Variants in PCDH15 observed in about 807,000 individuals in gnomAD.
The protein encoded by PCDH15 is protocadherin-15.
Under a neutral mutation model 178.5 loss-of-function variants are expected in PCDH15, and 129 were observed. The observed-to-expected ratio is 0.72, with a 90% CI of 0.63 to 0.84. PCDH15 has a LOEUF of 0.84. PCDH15 is among the 40% of genes least tolerant of loss of function. The probability of loss-of-function intolerance (pLI) is 0.00; values close to 1 mark genes in which losing one functional copy is unlikely to be tolerated. For missense variants in PCDH15, 2,230 were observed against 2,099.9 expected, an observed-to-expected ratio of 1.06 and a Z score of -1.21; for synonymous variants, 800 against 732.0, an observed-to-expected ratio of 1.09 and a Z score of -1.50.
chr10:54,114,810 A>G (rs528965216), intron 15 of PCDH15, among the ~76,000 whole-genome samples: 23 of 152,170 alleles, frequency 1.5e-4, no homozygotes, highest in Non-Finnish European at 2.9e-4. Flanking sequence ...TTCCAGAGGT[A>G]GGAATCACTC....
intron 3 of PCDH15, among the ~76,000 whole-genome samples, chr10:54,405,197 G>T (rs1952488040): frequency 6.6e-6 from 1 of 152,022 alleles, no homozygotes; most frequent in African/African-American, 2.4e-5. Context: ...AAAGATACAT[G>T]CATGTAAATG....
At chr10:54,832,257 C>T (rs1358678194) in intron 3 of PCDH15, among the ~76,000 whole-genome samples, 1 of 152,092 alleles carries the variant, frequency 6.6e-6, no homozygotes. Flanking sequence ...CGATACTGCC[C>T]ATCCGAATCA....
chr10:54,669,177 C>A (rs2094617820), intron 1 of PCDH15, among the ~76,000 whole-genome samples: 2 of 152,154 alleles, frequency 1.3e-5, no homozygotes, highest in South Asian at 4.1e-4. Context: ...TTAATAATGT[C>A]TTCATCAGTA....
In PCDH15 at chr10:54,317,357, T is replaced by A. The variant is rs895994892; in HGVS notation, c.790A>T (p.Met264Leu). Residue 264 changes from methionine (M) to leucine (L), a missense_variant, in exon 8 of 38, where the codon ATG becomes TTG. Physicochemically the swap from Met to Leu is conservative, Grantham distance 15. Coordinates refer to ENST00000644397, the MANE Select transcript of PCDH15 (RefSeq NM_001384140.1). ...GGCACAAGGACACAAGGAAGAAACA[T>A]TGGACCCAAGTCATCTCCATCCAGA... is the stretch of plus-strand genomic sequence containing the variant. ...DVLDGDDLGP[M>L]FLPCVLVPNT... 1 of 1,613,948 alleles carries A rather than the reference T, an allele frequency of 6.2e-7. No homozygotes were observed. The highest frequency in any genetic ancestry group is 1.3e-5 in the African/African-American group (1 of 75,000).
chr10:54,378,631 T>C (rs918982407), intron 4 of PCDH15, 151 bp downstream of exon 4: 1 of 842,902 alleles, frequency 1.2e-6, no homozygotes, highest in Non-Finnish European at 1.8e-6. Context: ...CCTTTCTCAT[T>C]CTTCTTTAAA....
intron 13 of PCDH15, among the ~76,000 whole-genome samples, chr10:54,153,548 A>C (rs1259608474): frequency 6.6e-6 from 1 of 152,154 alleles, no homozygotes; most frequent in Non-Finnish European, 1.5e-5. Context: ...TGGATCTTGA[A>C]GGCTTATCTT....
At chr10:55,173,309 A>ATGTGTGTGTGTGTGTGTGTGTGTGTG (rs775260037) in intron 1 of PCDH15, among the ~76,000 whole-genome samples, 27 of 133,060 alleles carry the variant, frequency 2.0e-4, no homozygotes, top group Non-Finnish European at 2.6e-4. Flanking sequence ...TAGAAAGATT[A>ATGTGTGTGTGTGTGTGTGTGTGTGTG]TGTGTGTGTG....
intron 1 of PCDH15, among the ~76,000 whole-genome samples, chr10:54,706,253 A>G (rs2095363729): frequency 1.3e-5 from 2 of 152,212 alleles, no homozygotes; most frequent in Admixed American, 6.5e-5. Flanking sequence ...ATAGAAAACA[A>G]ACTGATCTTT....
At chr10:55,338,089 T>G (rs1844446734) in intron 2 of PCDH15, among the ~76,000 whole-genome samples, 2 of 151,986 alleles carry the variant, frequency 1.3e-5, no homozygotes, top group Admixed American at 1.3e-4. Context: ...GAAATGCAAA[T>G]CAGATTACAA....
chr10:54,275,660 T>A (rs923670667), intron 8 of PCDH15, among the ~76,000 whole-genome samples: 4 of 151,742 alleles, frequency 2.6e-5, no homozygotes, highest in African/African-American at 9.7e-5. Flanking sequence ...TGCAAGCCAA[T>A]CTCAAATATG....
chr10:54,907,945 T>C (rs1029768836), intron 2 of PCDH15, among the ~76,000 whole-genome samples: 4 of 152,216 alleles, frequency 2.6e-5, no homozygotes, highest in Non-Finnish European at 5.9e-5. Context: ...AGAAGTATGC[T>C]GTTACATTGC....
At chr10:55,185,344 T>C (rs1389142318) in intron 1 of PCDH15, among the ~76,000 whole-genome samples, 1 of 151,772 alleles carries the variant, frequency 6.6e-6, no homozygotes, top group Non-Finnish European at 1.5e-5. Context: ...TGATGTTGCA[T>C]GTCTTAAAAT....
intron 21 of PCDH15, among the ~76,000 whole-genome samples, chr10:53,982,896 A>G (rs1177774820): frequency 6.6e-6 from 1 of 152,026 alleles, no homozygotes; most frequent in Admixed American, 6.5e-5. Flanking sequence ...GGAAATCTTG[A>G]TTTAGTCATT....
intron 3 of PCDH15, among the ~76,000 whole-genome samples, chr10:54,880,809 A>G (rs1319323293): frequency 6.7e-6 from 1 of 150,294 alleles, no homozygotes. Flanking sequence ...TAAGTGGCAT[A>G]TATAAAGGAA....
At chr10:55,119,016 C>T (rs1377072191) in intron 2 of PCDH15, among the ~76,000 whole-genome samples, 1 of 152,132 alleles carries the variant, frequency 6.6e-6, no homozygotes, top group African/African-American at 2.4e-5. Context: ...GTTCAATGGG[C>T]AGCCAGTTCT....
At chr10:54,553,588 T>C (rs897254608) in intron 2 of PCDH15, among the ~76,000 whole-genome samples, 1 of 152,182 alleles carries the variant, frequency 6.6e-6, no homozygotes, top group East Asian at 1.9e-4. Flanking sequence ...TGGATCCTGA[T>C]AAGTTGATTC....
At chr10:53,971,461 T>C (rs2089676573) in intron 21 of PCDH15, among the ~76,000 whole-genome samples, 1 of 152,108 alleles carries the variant, frequency 6.6e-6, no homozygotes, top group South Asian at 2.1e-4. Context: ...GAGAAAGAAA[T>C]AAATGATATT....
chr10:54,457,819 A>G (rs571432513), intron 3 of PCDH15, among the ~76,000 whole-genome samples: 26 of 152,224 alleles, frequency 1.7e-4, no homozygotes, highest in Non-Finnish European at 3.7e-4. Flanking sequence ...AAGTTCTCAA[A>G]CAGTCTACAA....
At chr10:54,577,249 ATTTTT>A (rs10699732) in intron 2 of PCDH15, among the ~76,000 whole-genome samples, 1 of 141,696 alleles carries the variant, frequency 7.1e-6, no homozygotes, top group Admixed American at 7.1e-5. Context: ...CGCCCAGCTA[ATTTTT>A]TTTTTTTTTT....
Sources: gnomAD v4.1 joint callset for allele counts (sites outside exome capture counted in the v4.1 genomes callset) on GRCh38, gnomAD v4.1.1 for gene constraint, MANE v1.5 for transcripts, NCBI Gene and HGNC (gene_info 2026-07-23, HGNC 2026-07-21) for gene names.